The following SBF2 variants were observed in gnomAD, a reference collection of about 807,000 sequenced individuals.
SBF2 encodes the protein myotubularin-related protein 13.
Under a neutral mutation model 225.2 loss-of-function variants are expected in SBF2, and 112 were observed. The observed-to-expected ratio is 0.50, with a 90% CI of 0.43 to 0.58. The LOEUF (loss-of-function observed/expected upper bound fraction) is 0.58. Ranked by LOEUF, SBF2 falls within the 20% of genes least tolerant of loss-of-function variation. The probability of loss-of-function intolerance (pLI) is 0.00; values close to 1 mark genes in which losing one functional copy is unlikely to be tolerated. For missense variants in SBF2, 1,996 were observed against 2,206.2 expected (o/e 0.90, Z 1.91); for synonymous variants, 763 against 773.3 (o/e 0.99, Z 0.22).
chr11:10,208,054 T>C (rs986026709), intron 1 of SBF2, among the ~76,000 whole-genome samples: 10 of 152,098 alleles, frequency 6.6e-5, no homozygotes, highest in African/African-American at 2.4e-4. Context: ...TGCCATGTTT[T>C]GAAAAGAATA....
chr11:9,978,616 T>C (rs968673144), intron 13 of SBF2, among the ~76,000 whole-genome samples: 2 of 152,148 alleles, frequency 1.3e-5, no homozygotes, highest in Non-Finnish European at 2.9e-5. Flanking sequence ...GGATTGTCCA[T>C]GTTTTTGTTT....
At chr11:10,115,881 T>C (rs1402206955) in intron 2 of SBF2, among the ~76,000 whole-genome samples, 1 of 152,194 alleles carries the variant, frequency 6.6e-6, no homozygotes, top group Non-Finnish European at 1.5e-5. Flanking sequence ...TATTTGTTTA[T>C]CTGGGCCAGG....
chr11:9,980,885 A>C (rs1269840873), intron 13 of SBF2, among the ~76,000 whole-genome samples: 1 of 152,138 alleles, frequency 6.6e-6, no homozygotes, highest in Non-Finnish European at 1.5e-5. Context: ...TATTTACCAA[A>C]ATTTAGATAA....
chr11:9,878,826 C>G (rs999693403), intron 17 of SBF2, among the ~76,000 whole-genome samples: 2 of 152,172 alleles, frequency 1.3e-5, no homozygotes, highest in African/African-American at 2.4e-5. Flanking sequence ...CTGACTTCTT[C>G]CAGGTAATCT....
In SBF2 at chr11:10,088,268, G is replaced by A. The variant is rs145767217; in HGVS notation, c.142-45287C>T. On this transcript the variant is annotated intron_variant, in intron 2 of 39. Transcript: ENST00000256190. Reference sequence around the variant, plus strand: ...TCAAACTCCTGGACTCAAGCAATCCGCCTACCTCAGCCTCCCAAAATGCTG... The same window carrying A: ...TCAAACTCCTGGACTCAAGCAATCCACCTACCTCAGCCTCCCAAAATGCTG... Among the ~76,000 whole-genome samples the A allele has an allele frequency of 2.6e-5, 4 of 152,096 alleles. No individual in the cohort carries two copies. In the East Asian group the frequency reaches 5.8e-4, roughly 22 times the overall value.
chr11:9,846,029 T>C (rs1856520791), intron 23 of SBF2, among the ~76,000 whole-genome samples: 1 of 152,330 alleles, frequency 6.6e-6, no homozygotes, highest in Admixed American at 6.5e-5. Context: ...GCCCTTCTCA[T>C]TTCTCAACTG....
chr11:9,958,892 C>T (rs1565059439), intron 16 of SBF2: 2 of 682,096 alleles, frequency 2.9e-6, no homozygotes, highest in South Asian at 1.6e-5. Flanking sequence ...AATGTGTATG[C>T]TGGCACTATG....
At chr11:10,293,990 G>T in intron 1 of SBF2, 25 bp downstream of exon 1, 3 of 1,330,154 alleles carry the variant, frequency 2.3e-6, no homozygotes, top group Non-Finnish European at 2.9e-6. Context: ...GGAGGCCCGG[G>T]GGCGGTGCCG....
intron 2 of SBF2, among the ~76,000 whole-genome samples, chr11:10,170,580 A>T (rs563913834): frequency 3.7e-4 from 56 of 151,572 alleles, no homozygotes; most frequent in African/African-American, 1.1e-3. Context: ...AGTTTTTTTA[A>T]TTTTATTTTT....
chr11:10,126,198 T>G (rs1953745426), intron 2 of SBF2, among the ~76,000 whole-genome samples: 1 of 152,204 alleles, frequency 6.6e-6, no homozygotes, highest in African/African-American at 2.4e-5. Flanking sequence ...GCACAAAATG[T>G]TTTATCATTT....
At chr11:10,050,867 T>C (rs1565174507) in intron 2 of SBF2, among the ~76,000 whole-genome samples, 1 of 152,182 alleles carries the variant, frequency 6.6e-6, no homozygotes, top group Non-Finnish European at 1.5e-5. Context: ...CAATGAATTG[T>C]TTCTGGAATT....
At chr11:10,262,697 T>C (rs1961565935) in intron 1 of SBF2, among the ~76,000 whole-genome samples, 1 of 152,246 alleles carries the variant, frequency 6.6e-6, no homozygotes, top group African/African-American at 2.4e-5. Flanking sequence ...AATACATAGA[T>C]GTATATGCAT....
intron 1 of SBF2, among the ~76,000 whole-genome samples, chr11:10,257,271 C>G (rs759226789): frequency 1.3e-5 from 2 of 152,098 alleles, no homozygotes; most frequent in Admixed American, 6.6e-5. Flanking sequence ...TACCTCTTTC[C>G]CCACAAAAAA....
intron 1 of SBF2, among the ~76,000 whole-genome samples, chr11:10,214,383 G>A (rs1469029339): frequency 6.6e-6 from 1 of 152,194 alleles, no homozygotes; most frequent in African/African-American, 2.4e-5. Context: ...CAACACTTTT[G>A]GAGTCCGAGG....
chr11:9,928,805 T>G (rs1202558512), intron 16 of SBF2: 1 of 208,996 alleles, frequency 4.8e-6, no homozygotes, highest in African/African-American at 2.3e-5. Context: ...TGTGGTTATG[T>G]TTTATACATC....
chr11:10,063,858 C>CACACACAGAG (rs373423157), intron 2 of SBF2, among the ~76,000 whole-genome samples: 132 of 136,224 alleles, frequency 9.7e-4, no homozygotes, highest in African/African-American at 2.6e-3. Flanking sequence ...CACACACACA[C>CACACACAGAG]AGAGAGAGAG....
In SBF2 at chr11:9,985,074, A is replaced by G. The variant is rs187247812; in HGVS notation, c.1395+4423T>C. On this transcript the variant is annotated intron_variant, in intron 13 of 39. Coordinates refer to ENST00000256190, the MANE Select transcript of SBF2 (RefSeq NM_030962.4). Reference sequence around the variant, plus strand: ...CCAAAGCCCACAGGCAACGAAGAGCACGATGAAAGCAACAGTACCTCACAT... The same window carrying G: ...CCAAAGCCCACAGGCAACGAAGAGCGCGATGAAAGCAACAGTACCTCACAT... 7.5e-3 allele frequency among the ~76,000 whole-genome samples: 1,150 copies of G among 152,334 alleles called. 6 individuals carry two copies. Among genetic ancestry groups the G allele is most frequent in the Non-Finnish European group, 0.012 (817 of 68,020 alleles).
intron 6 of SBF2, among the ~76,000 whole-genome samples, chr11:10,026,531 G>T (rs534126212): frequency 6.6e-6 from 1 of 152,182 alleles, no homozygotes; most frequent in East Asian, 1.9e-4. Context: ...AGGAGTCTGA[G>T]AACAGCCTGG....
chr11:9,918,394 C>A (rs1204468183), intron 16 of SBF2, among the ~76,000 whole-genome samples: 2 of 151,920 alleles, frequency 1.3e-5, no homozygotes, highest in Admixed American at 6.6e-5. Context: ...ACTTTATGAT[C>A]CAGGCTGGAG....
Sources: gnomAD v4.1 joint callset for allele counts (sites outside exome capture counted in the v4.1 genomes callset) on GRCh38, gnomAD v4.1.1 for gene constraint, MANE v1.5 for transcripts, NCBI Gene and HGNC (gene_info 2026-07-23, HGNC 2026-07-21) for gene names.